Variants in CALCR observed in about 807,000 individuals in gnomAD.
CALCR encodes the protein calcitonin receptor.
A neutral mutation model predicts 59.5 loss-of-function variants in CALCR; 47 were observed. The observed-to-expected ratio is 0.79, with a 90% CI of 0.63 to 1.01. The LOEUF is 1.01. Ranked by LOEUF, CALCR falls within the 50% of genes least tolerant of loss-of-function variation. CALCR has a pLI of 0.00. For synonymous variants in CALCR, 213 were observed against 211.3 expected, an observed-to-expected ratio of 1.01 and a Z score of -0.07; for missense variants, 566 against 597.1, an observed-to-expected ratio of 0.95 and a Z score of 0.54.
chr7:93,434,004 G>T (rs546610054), intron 13 of CALCR, among the ~76,000 whole-genome samples: 45 of 152,288 alleles, frequency 3.0e-4, no homozygotes, highest in Non-Finnish European at 5.3e-4. Flanking sequence ...TTGCTCCTGA[G>T]GGTGCTGATC....
intron 2 of CALCR, among the ~76,000 whole-genome samples, chr7:93,545,846 C>T (rs1789272406): frequency 6.6e-6 from 1 of 152,026 alleles, no homozygotes; most frequent in South Asian, 2.1e-4. Flanking sequence ...CACTACACTC[C>T]ATGCTTAGGT....
chr7:93,461,929 C>A, intron 7 of CALCR: 2 of 627,974 alleles, frequency 3.2e-6, no homozygotes, highest in East Asian at 2.9e-5. Context: ...CATGTGAGAG[C>A]GTAAAACATG....
intron 8 of CALCR, among the ~76,000 whole-genome samples, chr7:93,444,614 T>G (rs947591413): frequency 6.6e-6 from 1 of 152,004 alleles, no homozygotes; most frequent in African/African-American, 2.4e-5. Flanking sequence ...TCCCACACAC[T>G]CTTGACAATC....
At chr7:93,490,464 T>C (rs1222115992) in intron 2 of CALCR, among the ~76,000 whole-genome samples, 1 of 151,858 alleles carries the variant, frequency 6.6e-6, no homozygotes, top group Non-Finnish European at 1.5e-5. Context: ...GGAAGTCAAA[T>C]TGTCTGTGTT....
At chr7:93,469,084 T>G (rs541168223) in intron 6 of CALCR, among the ~76,000 whole-genome samples, 1 of 151,930 alleles carries the variant, frequency 6.6e-6, no homozygotes, top group African/African-American at 2.4e-5. Flanking sequence ...CATTAAAAAT[T>G]ATCATCCCTA....
At chr7:93,563,173 G>C (rs1377419055) in intron 2 of CALCR, among the ~76,000 whole-genome samples, 1 of 152,166 alleles carries the variant, frequency 6.6e-6, no homozygotes, top group African/African-American at 2.4e-5. Flanking sequence ...AGACCATTTA[G>C]AACACATGGA....
chr7:93,506,004 G>A (rs1383579970), intron 2 of CALCR, among the ~76,000 whole-genome samples: 1 of 152,116 alleles, frequency 6.6e-6, no homozygotes, highest in African/African-American at 2.4e-5. Context: ...ATATTGCTTT[G>A]TCAAGCCTGT....
intron 4 of CALCR, 29 bp from the exon 5 acceptor site, chr7:93,477,697 A>G (rs113389063): frequency 1.4e-6 from 2 of 1,390,414 alleles, no homozygotes. Flanking sequence ...ATTGATATTG[A>G]AGCCTTGTGG....
intron 2 of CALCR, among the ~76,000 whole-genome samples, chr7:93,567,515 C>T (rs1222078051): frequency 6.6e-6 from 1 of 151,466 alleles, no homozygotes; most frequent in Non-Finnish European, 1.5e-5. Flanking sequence ...TATATTTGGC[C>T]TGAAAAATTT....
intron 3 of CALCR, among the ~76,000 whole-genome samples, chr7:93,482,205 T>C (rs748467423): frequency 2.6e-5 from 4 of 151,844 alleles, no homozygotes; most frequent in Non-Finnish European, 4.4e-5. Flanking sequence ...TTTGTATGAA[T>C]ATGTGTGTTT....
chr7:93,461,840 G>A (rs575977871), intron 7 of CALCR, among the ~76,000 whole-genome samples: 42 of 152,084 alleles, frequency 2.8e-4, no homozygotes, highest in South Asian at 1.2e-3. Flanking sequence ...ACAAAATTGC[G>A]GTGATTATTC....
At chr7:93,445,480 G>A (rs1356181424) in intron 8 of CALCR, among the ~76,000 whole-genome samples, 1 of 151,988 alleles carries the variant, frequency 6.6e-6, no homozygotes, top group Non-Finnish European at 1.5e-5. Flanking sequence ...GTCACCCAGA[G>A]CAATTTTGGC....
intron 2 of CALCR, among the ~76,000 whole-genome samples, chr7:93,549,226 T>C (rs1789384456): frequency 6.6e-6 from 1 of 152,166 alleles, no homozygotes; most frequent in Non-Finnish European, 1.5e-5. Flanking sequence ...TGCTGAACTC[T>C]TTATTCAGAT....
intron 2 of CALCR, among the ~76,000 whole-genome samples, chr7:93,545,823 CAA>C: frequency 6.6e-6 from 1 of 151,996 alleles, no homozygotes; most frequent in East Asian, 1.9e-4. Context: ...GGAGCAAAAG[CAA>C]GGAATCTCCT....
chr7:93,476,599 T>G (rs950405847), intron 5 of CALCR, among the ~76,000 whole-genome samples: 9 of 151,888 alleles, frequency 5.9e-5, no homozygotes, highest in Admixed American at 5.9e-4. Context: ...ATCTCTGATT[T>G]TTTTATCAAA....
At chr7:93,534,664 A>G (rs971151611) in intron 2 of CALCR, among the ~76,000 whole-genome samples, 1 of 151,782 alleles carries the variant, frequency 6.6e-6, no homozygotes, top group African/African-American at 2.4e-5. Flanking sequence ...CCTAACAGTG[A>G]TTATAGAACT....
chr7:93,491,535 A>G (rs1801077371), intron 2 of CALCR, among the ~76,000 whole-genome samples: 1 of 152,140 alleles, frequency 6.6e-6, no homozygotes, highest in Non-Finnish European at 1.5e-5. Flanking sequence ...TCCAAAATTT[A>G]CAAGGAATTT....
chr7:93,516,554 A>G (rs1269287561), intron 2 of CALCR, among the ~76,000 whole-genome samples: 1 of 151,906 alleles, frequency 6.6e-6, no homozygotes, highest in Non-Finnish European at 1.5e-5. Context: ...TATCATGAAA[A>G]GATGTTGTAA....
chr7:93,534,744 C>G (rs988046744), intron 2 of CALCR, among the ~76,000 whole-genome samples: 2 of 151,646 alleles, frequency 1.3e-5, no homozygotes, highest in South Asian at 2.1e-4. Context: ...ATTTTCCAGT[C>G]AAATCATTGC....
Sources: allele counts gnomAD v4.1 joint callset (sites outside exome capture counted in the v4.1 genomes callset), GRCh38; gene constraint gnomAD v4.1.1; transcripts MANE v1.5; gene names NCBI Gene and HGNC (gene_info 2026-07-23, HGNC 2026-07-21).